Variants in PKNOX2 observed in about 807,000 individuals in gnomAD.
The protein encoded by PKNOX2 is PBX/knotted 1 homeobox 2.
A neutral mutation model predicts 53.1 loss-of-function variants in PKNOX2; 14 were observed. The observed-to-expected ratio is 0.26, with a 90% CI of 0.17 to 0.41. The LOEUF (loss-of-function observed/expected upper bound fraction) is 0.41. Ranked by LOEUF, PKNOX2 falls within the 10% of genes least tolerant of loss-of-function variation. The probability of loss-of-function intolerance (pLI) is 1.00; values close to 1 mark genes in which losing one functional copy is unlikely to be tolerated. For synonymous variants in PKNOX2, 257 were observed against 242.8 expected (o/e 1.06, Z -0.54); for missense variants, 496 against 602.8 (o/e 0.82, Z 1.85).
chr11:125,292,618 T>C (rs536923816), intron 2 of PKNOX2, among the ~76,000 whole-genome samples: 1 of 152,348 alleles, frequency 6.6e-6, no homozygotes, highest in South Asian at 2.1e-4. Flanking sequence ...GGGTGCTGCA[T>C]TGAAGACTGA....
At chr11:125,319,858 A>C (rs1949415201) in intron 2 of PKNOX2, among the ~76,000 whole-genome samples, 1 of 152,176 alleles carries the variant, frequency 6.6e-6, no homozygotes, top group Non-Finnish European at 1.5e-5. Context: ...GTTTGAGGGC[A>C]CAAAGGCCTG....
intron 2 of PKNOX2, among the ~76,000 whole-genome samples, chr11:125,305,900 C>T (rs182880559): frequency 6.6e-6 from 1 of 152,282 alleles, no homozygotes; most frequent in East Asian, 1.9e-4. Flanking sequence ...AACCAAAGAT[C>T]GTTATTTTTG....
intron 5 of PKNOX2, among the ~76,000 whole-genome samples, chr11:125,369,396 G>A (rs1952395518): frequency 3.3e-5 from 5 of 152,192 alleles, no homozygotes; most frequent in Admixed American, 3.3e-4. Context: ...GGTCAAGCTA[G>A]CCACCCCAGT....
At chr11:125,279,379 G>C (rs1268578541) in intron 2 of PKNOX2, among the ~76,000 whole-genome samples, 1 of 152,188 alleles carries the variant, frequency 6.6e-6, no homozygotes, top group Non-Finnish European at 1.5e-5. Context: ...ACATCAGACT[G>C]GATCTGGAGA....
chr11:125,274,049 G>A (rs1945994510), intron 2 of PKNOX2, among the ~76,000 whole-genome samples: 1 of 152,208 alleles, frequency 6.6e-6, no homozygotes, highest in Non-Finnish European at 1.5e-5. Context: ...GGAACCACAG[G>A]TTAGAGTTGG....
At chr11:125,336,957 A>G (rs980552296) in intron 3 of PKNOX2, among the ~76,000 whole-genome samples, 4 of 149,316 alleles carry the variant, frequency 2.7e-5, no homozygotes, top group African/African-American at 7.3e-5. Flanking sequence ...TATATGATAT[A>G]TAGGATCTAT....
At chr11:125,380,144 C>T (rs1049808612) in intron 5 of PKNOX2, among the ~76,000 whole-genome samples, 3 of 152,194 alleles carry the variant, frequency 2.0e-5, no homozygotes, top group Non-Finnish European at 4.4e-5. Flanking sequence ...GGAAGGCGCC[C>T]GCCCTCCCGG....
chr11:125,250,284 A>G (rs1490372054), intron 2 of PKNOX2, among the ~76,000 whole-genome samples: 5 of 152,064 alleles, frequency 3.3e-5, no homozygotes, highest in African/African-American at 1.2e-4. Flanking sequence ...ACAAACAAAA[A>G]TAACTAAACA....
At chr11:125,389,915 C>A (rs186012420) in intron 6 of PKNOX2, among the ~76,000 whole-genome samples, 5 of 152,124 alleles carry the variant, frequency 3.3e-5, no homozygotes, top group African/African-American at 1.2e-4. Flanking sequence ...GACCCCCAGG[C>A]CCCTGGGCCC....
intron 2 of PKNOX2, among the ~76,000 whole-genome samples, chr11:125,288,806 C>T (rs980657875): frequency 1.3e-5 from 2 of 152,332 alleles, no homozygotes; most frequent in East Asian, 1.9e-4. Flanking sequence ...AGCATGCCCC[C>T]ACTCAACCCA....
At chr11:125,306,114 C>G in intron 2 of PKNOX2, among the ~76,000 whole-genome samples, 1 of 152,116 alleles carries the variant, frequency 6.6e-6, no homozygotes, top group African/African-American at 2.4e-5. Context: ...ACCCAGGAGG[C>G]ATGGTGGCCA....
chr11:125,215,614 T>C (rs1332502642), intron 1 of PKNOX2, among the ~76,000 whole-genome samples: 2 of 151,894 alleles, frequency 1.3e-5, no homozygotes, highest in African/African-American at 4.8e-5. Flanking sequence ...TCGCCAGGCA[T>C]AGTGGTGTGC....
chr11:125,391,991 A>T (rs1336039408), intron 6 of PKNOX2, among the ~76,000 whole-genome samples: 1 of 152,252 alleles, frequency 6.6e-6, no homozygotes, highest in African/African-American at 2.4e-5. Flanking sequence ...AAAAATCCAA[A>T]ATTGTAAACA....
intron 2 of PKNOX2, among the ~76,000 whole-genome samples, chr11:125,286,537 C>T (rs563281077): frequency 1.3e-5 from 2 of 152,348 alleles, no homozygotes; most frequent in East Asian, 3.9e-4. Context: ...TGTCCACCCC[C>T]TTGGCCCTAT....
intron 1 of PKNOX2, among the ~76,000 whole-genome samples, chr11:125,216,138 C>T (rs1479301942): frequency 6.6e-6 from 1 of 152,202 alleles, no homozygotes; most frequent in Non-Finnish European, 1.5e-5. Context: ...CTATTTTTCA[C>T]CTTGGGTCAG....
At chr11:125,223,864 C>T (rs960828110) in intron 1 of PKNOX2, among the ~76,000 whole-genome samples, 1 of 152,098 alleles carries the variant, frequency 6.6e-6, no homozygotes, top group Admixed American at 6.5e-5. Flanking sequence ...TGAGTGAAGG[C>T]CACAAGGGTT....
At chr11:125,376,000 T>A (rs576679765) in intron 5 of PKNOX2, among the ~76,000 whole-genome samples, 1 of 152,338 alleles carries the variant, frequency 6.6e-6, no homozygotes, top group East Asian at 1.9e-4. Flanking sequence ...CCAGGTCTCA[T>A]GTATCAGGCT....
intron 2 of PKNOX2, among the ~76,000 whole-genome samples, chr11:125,263,917 C>A (rs1402116671): frequency 2.6e-5 from 4 of 152,158 alleles, no homozygotes; most frequent in South Asian, 2.1e-4. Context: ...TAAGGGGGTG[C>A]GGGGAGGGGG....
intron 2 of PKNOX2, among the ~76,000 whole-genome samples, chr11:125,299,496 G>A (rs1486539382): frequency 2.0e-5 from 3 of 152,158 alleles, no homozygotes; most frequent in Non-Finnish European, 4.4e-5. Flanking sequence ...GGGTGACAGA[G>A]GAAGCTGTGC....
Sources: gnomAD v4.1 joint callset for allele counts (sites outside exome capture counted in the v4.1 genomes callset) on GRCh38, gnomAD v4.1.1 for gene constraint, MANE v1.5 for transcripts, NCBI Gene and HGNC (gene_info 2026-07-23, HGNC 2026-07-21) for gene names.